The following TMEM63C variants were observed in gnomAD, a reference collection of about 807,000 sequenced individuals.
TMEM63C encodes the protein osmosensitive cation channel TMEM63C.
A neutral mutation model predicts 99.2 loss-of-function variants in TMEM63C; 32 were observed. That is an observed-to-expected ratio of 0.32 (90% confidence interval 0.24 to 0.43). The LOEUF (loss-of-function observed/expected upper bound fraction) is 0.43, where lower values mean the gene tolerates loss of function less well. TMEM63C is among the 20% of genes least tolerant of loss of function. The pLI is 1.00. For missense variants in TMEM63C, 826 were observed against 1,053.0 expected (o/e 0.78, Z 2.98); for synonymous variants, 376 against 397.9 (o/e 0.94, Z 0.66).
intron 21 of TMEM63C, among the ~76,000 whole-genome samples, chr14:77,249,700 C>T (rs934719935): frequency 5.3e-5 from 8 of 152,308 alleles, no homozygotes; most frequent in Middle Eastern, 3.4e-3. Flanking sequence ...GGGTTTCCAG[C>T]GCTCAGGGAA....
At chr14:77,244,233 C>A in intron 15 of TMEM63C, 116 bp from the exon 16 acceptor site, 1 of 790,522 alleles carries the variant, frequency 1.3e-6, no homozygotes, top group Non-Finnish European at 2.1e-6. Context: ...GGCCAGGCCC[C>A]TTGCAGCCTC....
At chr14:77,223,628 G>A (rs2140113007) in intron 5 of TMEM63C, among the ~76,000 whole-genome samples, 1 of 152,214 alleles carries the variant, frequency 6.6e-6, no homozygotes, top group African/African-American at 2.4e-5. Flanking sequence ...TGTACTCAGG[G>A]GAGGGAGTGT....
In TMEM63C at chr14:77,256,678, C is replaced by G. The variant is rs1251430473; in HGVS notation, c.2373C>G (p.Ala791=). 1 of 1,613,874 alleles carries G rather than the reference C, an allele frequency of 6.2e-7. No individual in the cohort carries two copies. The highest frequency in any genetic ancestry group is 2.2e-5 in the East Asian group (1 of 44,886). The change falls in exon 24 of 24, where the codon GCC becomes GCG. Residue 791 remains alanine (A), a synonymous_variant. Coordinates refer to ENST00000298351, the MANE Select transcript of TMEM63C (RefSeq NM_020431.4). ...GCTTTGCGAGGGAGCTAGACTCGGC[C>G]CAGTTCCAGGAAGGGCTGGAACTGG... ...LRGFARELDS[A]QFQEGLELEG...
intron 1 of TMEM63C, among the ~76,000 whole-genome samples, chr14:77,187,948 G>C (rs536172288): frequency 1.3e-5 from 2 of 152,180 alleles, no homozygotes; most frequent in African/African-American, 2.4e-5. Flanking sequence ...TGTGTGGGGC[G>C]GGGGGATGTG....
At chr14:77,189,292 A>AT (rs1404547829) in intron 1 of TMEM63C, among the ~76,000 whole-genome samples, 3 of 138,800 alleles carry the variant, frequency 2.2e-5, no homozygotes, top group Admixed American at 7.3e-5. Context: ...TTTTTTTTGC[A>AT]TTTTTTGTAG....
At chr14:77,249,242 G>T in intron 20 of TMEM63C, 49 bp from the exon 21 acceptor site, 1 of 1,597,096 alleles carries the variant, frequency 6.3e-7, no homozygotes, top group Non-Finnish European at 8.6e-7. Flanking sequence ...AGCCACAAAG[G>T]TCCAGACTTG....
intron 2 of TMEM63C, among the ~76,000 whole-genome samples, chr14:77,218,514 G>A (rs1374969565): frequency 6.6e-6 from 1 of 152,202 alleles, no homozygotes; most frequent in African/African-American, 2.4e-5. Context: ...TGCACATTTG[G>A]ATGTGCATTT....
chr14:77,250,339 C>A (rs1349327879), intron 21 of TMEM63C, among the ~76,000 whole-genome samples: 3 of 152,158 alleles, frequency 2.0e-5, no homozygotes, highest in Non-Finnish European at 4.4e-5. Context: ...GCACCTTAAC[C>A]CCCAGCAACC....
intron 1 of TMEM63C, among the ~76,000 whole-genome samples, chr14:77,192,425 A>C (rs372066884): frequency 6.6e-6 from 1 of 152,012 alleles, no homozygotes; most frequent in East Asian, 1.9e-4. Context: ...ATCCTCCTAC[A>C]TAGTCAAATC....
At chr14:77,196,839 A>G (rs1167140581) in intron 1 of TMEM63C, among the ~76,000 whole-genome samples, 1 of 152,194 alleles carries the variant, frequency 6.6e-6, no homozygotes, top group Admixed American at 6.5e-5. Flanking sequence ...CAGCGCGGGA[A>G]GCCCTTTGGC....
chr14:77,238,544 C>G (rs1021730839), intron 9 of TMEM63C, 150 bp from the exon 10 acceptor site: 6 of 658,020 alleles, frequency 9.1e-6, no homozygotes, highest in Middle Eastern at 2.6e-4. Context: ...CAGCTTGGCT[C>G]TGGCTTTCTT....
At chr14:77,187,551 C>T (rs1290436451) in intron 1 of TMEM63C, among the ~76,000 whole-genome samples, 1 of 152,248 alleles carries the variant, frequency 6.6e-6, no homozygotes, top group African/African-American at 2.4e-5. Context: ...CAGGCACATA[C>T]ATGCAGCTTG....
chr14:77,229,732 G>A (rs947672377), intron 6 of TMEM63C, among the ~76,000 whole-genome samples: 6 of 151,332 alleles, frequency 4.0e-5, no homozygotes, highest in Non-Finnish European at 4.4e-5. Flanking sequence ...GATTACAGGC[G>A]CAATCCACCA....
chr14:77,214,890 A>G (rs1009681923), intron 2 of TMEM63C, among the ~76,000 whole-genome samples: 3 of 151,430 alleles, frequency 2.0e-5, no homozygotes, highest in African/African-American at 7.3e-5. Flanking sequence ...CAATTCTTCT[A>G]CCTCCCCTTG....
intron 8 of TMEM63C, among the ~76,000 whole-genome samples, chr14:77,234,014 A>G (rs957318887): frequency 1.3e-5 from 2 of 152,136 alleles, no homozygotes; most frequent in Non-Finnish European, 2.9e-5. Context: ...TCATTGGGGA[A>G]GAGCTGGTGG....
chr14:77,238,799 T>C, intron 10 of TMEM63C, 32 bp downstream of exon 10: 1 of 1,578,236 alleles, frequency 6.3e-7, no homozygotes, highest in Non-Finnish European at 8.7e-7. Context: ...AAGGCGTGGA[T>C]TGCTTCCTCC....
At chr14:77,212,307 A>G (rs1888507982) in intron 1 of TMEM63C, 1 of 152,294 alleles carries the variant, frequency 6.6e-6, no homozygotes, top group African/African-American at 2.4e-5. Flanking sequence ...TCACACAGCT[A>G]GCAAAGGTGG....
intron 8 of TMEM63C, 124 bp from the exon 9 acceptor site, chr14:77,236,500 G>A (rs1234396081): frequency 1.6e-5 from 11 of 686,006 alleles, no homozygotes; most frequent in Middle Eastern, 4.0e-4. Context: ...GGGGGTCTGA[G>A]GAGACTGTGA....
intron 1 of TMEM63C, among the ~76,000 whole-genome samples, chr14:77,191,769 C>A (rs926949926): frequency 5.3e-5 from 8 of 152,066 alleles, no homozygotes; most frequent in African/African-American, 1.7e-4. Flanking sequence ...GTCTCGAACT[C>A]CCGACCTCAG....
Sources: allele counts gnomAD v4.1 joint callset (sites outside exome capture counted in the v4.1 genomes callset), GRCh38; gene constraint gnomAD v4.1.1; transcripts MANE v1.5; gene names NCBI Gene and HGNC (gene_info 2026-07-23, HGNC 2026-07-21).